MAST4: variants seen among roughly 807,000 people sequenced by gnomAD.
The protein encoded by MAST4 is microtubule-associated serine/threonine-protein kinase 4.
Under a neutral mutation model 162.7 loss-of-function variants are expected in MAST4, and 89 were observed. That is an observed-to-expected ratio of 0.55 (90% CI 0.46 to 0.65). MAST4 has a LOEUF of 0.65. Among genes scored for constraint, MAST4 ranks in the 30% least tolerant of loss-of-function variants. The pLI, the probability that MAST4 is intolerant of heterozygous loss-of-function variation, is 0.00. For synonymous variants in MAST4, 1,479 were observed against 1,361.1 expected, an observed-to-expected ratio of 1.09 and a Z score of -1.91; for missense variants, 3,153 against 3,374.0, an observed-to-expected ratio of 0.93 and a Z score of 1.62.
In MAST4 at chr5:67,075,354, T is replaced by C. The variant is rs762117463; in HGVS notation, c.764-14808T>C. Among the ~76,000 whole-genome samples the C allele has an allele frequency of 6.1e-4, 93 of 151,910 alleles. 1 individual carries two copies. Among genetic ancestry groups the C allele is most frequent in the Non-Finnish European group, 4.3e-4 (29 of 67,988 alleles). ...TGCCTGGCTAACTTTTTGTATTTTTTTGTAGAGACAGGGTTTCTCCATGTT... is the reference window on the plus strand; with the variant it reads ...TGCCTGGCTAACTTTTTGTATTTTTCTGTAGAGACAGGGTTTCTCCATGTT... On this transcript the variant is annotated intron_variant, in intron 5 of 28. Transcript: ENST00000403625.
At chr5:66,804,649 AG>A (rs1756093075) in intron 3 of MAST4, among the ~76,000 whole-genome samples, 2 of 152,186 alleles carry the variant, frequency 1.3e-5, no homozygotes, top group Non-Finnish European at 2.9e-5. Context: ...GAGAGTGGGA[AG>A]GGTGTATTTG....
chr5:66,813,265 T>C (rs1756561663), intron 3 of MAST4, among the ~76,000 whole-genome samples: 1 of 152,250 alleles, frequency 6.6e-6, no homozygotes, highest in African/African-American at 2.4e-5. Flanking sequence ...GTATCGCAAT[T>C]ATAGAGGAAT....
chr5:66,847,841 A>AAAAAAAAAAAAAAAC (rs1758989255), intron 3 of MAST4, among the ~76,000 whole-genome samples: 1 of 151,028 alleles, frequency 6.6e-6, no homozygotes, highest in African/African-American at 2.4e-5. Context: ...AAAAAAAAAA[A>AAAAAAAAAAAAAAAC]AAGAAAAACC....
At chr5:66,899,439 G>T (rs936655147) in intron 3 of MAST4, among the ~76,000 whole-genome samples, 1 of 152,062 alleles carries the variant, frequency 6.6e-6, no homozygotes, top group Non-Finnish European at 1.5e-5. Flanking sequence ...AATACCAAAA[G>T]GAAATCTTTT....
At chr5:67,091,673 G>A (rs1763880890) in intron 6 of MAST4, among the ~76,000 whole-genome samples, 2 of 152,112 alleles carry the variant, frequency 1.3e-5, no homozygotes, top group African/African-American at 2.4e-5. Context: ...AAATCTCATG[G>A]AGTGCATTTA....
chr5:67,048,559 TAGTC>T lies in MAST4; in HGVS notation c.675-5842_675-5839del, dbSNP rs527844468. Among the ~76,000 whole-genome samples, 42 of 152,286 alleles carry T rather than the reference TAGTC, an allele frequency of 2.8e-4. No individual in the cohort carries two copies. The South Asian group carries it at 6.6e-3, about 24-fold the overall frequency. ...ACATATATGAATAGATATACATAAATAGTCAGGAATTATGAAACAAATTTGCTCA... is the reference window on the plus strand; with the variant it reads ...ACATATATGAATAGATATACATAAATAGGAATTATGAAACAAATTTGCTCA... On this transcript the variant is annotated intron_variant, in intron 4 of 28. Coordinates refer to ENST00000403625, the MANE Select transcript of MAST4 (RefSeq NM_001164664.2).
chr5:66,623,659 C>T (rs1264836457), intron 1 of MAST4, among the ~76,000 whole-genome samples: 8 of 152,210 alleles, frequency 5.3e-5, no homozygotes, highest in East Asian at 1.9e-4. Context: ...CCACAACTAA[C>T]GCTATAATCA....
chr5:66,895,964 A>G (rs1217198529), intron 3 of MAST4, among the ~76,000 whole-genome samples: 1 of 152,172 alleles, frequency 6.6e-6, no homozygotes, highest in East Asian at 1.9e-4. Flanking sequence ...ACATTTGTCA[A>G]AATCATGACT....
At chr5:66,972,566 A>C (rs552278472) in intron 4 of MAST4, among the ~76,000 whole-genome samples, 78 of 152,342 alleles carry the variant, frequency 5.1e-4, no homozygotes, top group Non-Finnish European at 8.1e-4. Context: ...ATGTGCCATC[A>C]TCCACTAGGA....
At chr5:66,782,793 A>G (rs1033294817) in intron 2 of MAST4, among the ~76,000 whole-genome samples, 10 of 152,264 alleles carry the variant, frequency 6.6e-5, no homozygotes, top group African/African-American at 2.4e-4. Context: ...GGTATTATCC[A>G]TTAATTTCCA....
chr5:66,773,511 G>C (rs1398900879), intron 2 of MAST4, among the ~76,000 whole-genome samples: 4 of 152,180 alleles, frequency 2.6e-5, no homozygotes, highest in African/African-American at 9.7e-5. Flanking sequence ...TTCCTTCTTT[G>C]AGTAAGAATA....
chr5:67,144,636 G>C (rs768859555), intron 21 of MAST4, 33 bp from the exon 22 acceptor site: 2 of 1,603,794 alleles, frequency 1.2e-6, no homozygotes, highest in Non-Finnish European at 1.7e-6. Flanking sequence ...CTTTTTAGTA[G>C]ATATTAATAA....
chr5:66,725,675 C>T (rs1014097115), intron 1 of MAST4, among the ~76,000 whole-genome samples: 2 of 152,122 alleles, frequency 1.3e-5, no homozygotes, highest in Admixed American at 6.6e-5. Flanking sequence ...GCTGGTCTGT[C>T]TAGCCTTATA....
At chr5:67,057,688 C>A (rs1561588452) in intron 5 of MAST4, among the ~76,000 whole-genome samples, 1 of 151,204 alleles carries the variant, frequency 6.6e-6, no homozygotes, top group Non-Finnish European at 1.5e-5. Flanking sequence ...GAAAAATAAT[C>A]CAGAAGTCTC....
intron 1 of MAST4, among the ~76,000 whole-genome samples, chr5:66,703,381 A>C (rs1322893010): frequency 6.6e-6 from 1 of 152,196 alleles, no homozygotes; most frequent in South Asian, 2.1e-4. Flanking sequence ...GTATGCATGG[A>C]TGATCATTGT....
intron 1 of MAST4, among the ~76,000 whole-genome samples, chr5:66,704,394 C>T (rs190293404): frequency 3.6e-3 from 543 of 152,152 alleles, no homozygotes; most frequent in Non-Finnish European, 5.5e-3. Context: ...TTTTGAGCTA[C>T]AGGCTAGACT....
At chr5:66,837,971 T>G (rs1025398840) in intron 3 of MAST4, among the ~76,000 whole-genome samples, 3 of 147,334 alleles carry the variant, frequency 2.0e-5, no homozygotes, top group African/African-American at 7.5e-5. Flanking sequence ...TTGTTGAGCT[T>G]CCAAATAACA....
intron 4 of MAST4, among the ~76,000 whole-genome samples, chr5:66,916,242 C>A (rs35199908): frequency 0.038 from 5,826 of 152,146 alleles, 224 homozygotes; most frequent in African/African-American, 0.096. Context: ...CTGGTGGAGA[C>A]CAATGGCTTA....
chr5:67,088,439 AAAAC>A (rs1420142548), intron 5 of MAST4, among the ~76,000 whole-genome samples: 2 of 152,232 alleles, frequency 1.3e-5, no homozygotes, highest in African/African-American at 4.8e-5. Context: ...TCCCAAATGA[AAAAC>A]AAAATTTATA....
Sources: gnomAD v4.1 joint callset for allele counts (sites outside exome capture counted in the v4.1 genomes callset) on GRCh38, gnomAD v4.1.1 for gene constraint, MANE v1.5 for transcripts, NCBI Gene and HGNC (gene_info 2026-07-23, HGNC 2026-07-21) for gene names.